ERC1: variants seen among roughly 807,000 people sequenced by gnomAD.
ERC1 encodes the protein RAB6 interacting protein 2.
In ERC1, 56 loss-of-function variants were observed where a neutral mutation model predicts 132.0. That is an observed-to-expected ratio of 0.42 (90% CI 0.34 to 0.53). ERC1 has a LOEUF of 0.53. ERC1 is among the 20% of genes least tolerant of loss of function. The pLI is 0.03. For missense variants in ERC1, 1,202 were observed against 1,349.9 expected (o/e 0.89, Z 1.72); for synonymous variants, 478 against 476.1 (o/e 1.00, Z -0.05).
chr12:1,194,524 C>G (rs960376855), intron 12 of ERC1, among the ~76,000 whole-genome samples: 1 of 152,152 alleles, frequency 6.6e-6, no homozygotes, highest in Non-Finnish European at 1.5e-5. Context: ...CTCACGCTGT[C>G]CATCTTAGCT....
chr12:1,114,415 T>C (rs1946228588), intron 6 of ERC1, among the ~76,000 whole-genome samples: 1 of 152,224 alleles, frequency 6.6e-6, no homozygotes, highest in Non-Finnish European at 1.5e-5. Context: ...ATGCAGATGA[T>C]GACGAAACAG....
intron 16 of ERC1, among the ~76,000 whole-genome samples, chr12:1,396,901 G>T (rs371628106): frequency 1.3e-5 from 2 of 152,210 alleles, no homozygotes; most frequent in East Asian, 3.9e-4. Context: ...TCAGTCAAAC[G>T]CCTACCAGTG....
intron 14 of ERC1, among the ~76,000 whole-genome samples, chr12:1,280,176 T>C (rs1466374693): frequency 6.6e-6 from 1 of 152,210 alleles, no homozygotes; most frequent in Non-Finnish European, 1.5e-5. Flanking sequence ...ACCAAGTTAT[T>C]GATCATAGAA....
At chr12:1,242,872 T>C (rs1363490612) in intron 13 of ERC1, among the ~76,000 whole-genome samples, 4 of 152,066 alleles carry the variant, frequency 2.6e-5, no homozygotes, top group Admixed American at 2.6e-4. Context: ...ATTTACATAG[T>C]GTTTACATTG....
chr12:1,068,652 GT>G (rs1430913556), intron 2 of ERC1, among the ~76,000 whole-genome samples: 1 of 150,278 alleles, frequency 6.7e-6, no homozygotes, highest in Non-Finnish European at 1.5e-5. Context: ...TGATAATTTT[GT>G]TTTTTAAGTG....
At chr12:1,073,133 C>T (rs2154183157) in intron 2 of ERC1, among the ~76,000 whole-genome samples, 1 of 152,164 alleles carries the variant, frequency 6.6e-6, no homozygotes, top group South Asian at 2.1e-4. Context: ...AACCTCGTCT[C>T]TACTAAAAAT....
chr12:1,014,132 T>A (rs1205649575), intron 1 of ERC1, among the ~76,000 whole-genome samples: 1 of 152,300 alleles, frequency 6.6e-6, no homozygotes, highest in Admixed American at 6.5e-5. Context: ...GAGGTCTTTA[T>A]TTAAACCTGT....
chr12:1,216,505 A>G (rs1179900249), intron 12 of ERC1, among the ~76,000 whole-genome samples: 1 of 151,470 alleles, frequency 6.6e-6, no homozygotes, highest in African/African-American at 2.4e-5. Context: ...TACGGATGGC[A>G]TATTATTCCT....
chr12:1,016,380 C>G (rs1592710728), intron 1 of ERC1, among the ~76,000 whole-genome samples: 2 of 152,236 alleles, frequency 1.3e-5, no homozygotes, highest in African/African-American at 2.4e-5. Context: ...CCTTTGGAGA[C>G]TCAGTTCATA....
chr12:1,036,336 C>T (rs554523948), intron 2 of ERC1, among the ~76,000 whole-genome samples: 172 of 150,604 alleles, frequency 1.1e-3, no homozygotes, highest in African/African-American at 3.7e-3. Flanking sequence ...CTTGATTTGC[C>T]GCATGATAAA....
At chr12:997,772 C>A (rs914430454) in intron 1 of ERC1, among the ~76,000 whole-genome samples, 2 of 152,124 alleles carry the variant, frequency 1.3e-5, no homozygotes, top group African/African-American at 4.8e-5. Flanking sequence ...GTACCAGCCT[C>A]ATTTCCCAGT....
chr12:1,467,535 T>G (rs2093768148), intron 18 of ERC1, among the ~76,000 whole-genome samples: 1 of 152,168 alleles, frequency 6.6e-6, no homozygotes. Flanking sequence ...CTGATACATC[T>G]AGAGCAGCGG....
At chr12:1,056,983 G>C (rs1973089085) in intron 2 of ERC1, among the ~76,000 whole-genome samples, 1 of 152,060 alleles carries the variant, frequency 6.6e-6, no homozygotes, top group Non-Finnish European at 1.5e-5. Context: ...AGAATTTGTT[G>C]CCAGGAAATT....
chr12:1,183,738 G>A (rs565745154), intron 11 of ERC1, among the ~76,000 whole-genome samples: 2 of 152,200 alleles, frequency 1.3e-5, no homozygotes, highest in Admixed American at 6.5e-5. Flanking sequence ...ACTTCTGCCA[G>A]GTGTGGTAAC....
intron 2 of ERC1, among the ~76,000 whole-genome samples, chr12:1,066,734 G>C (rs1939268043): frequency 6.6e-6 from 1 of 151,906 alleles, no homozygotes; most frequent in Non-Finnish European, 1.5e-5. Context: ...CTATTCAGGA[G>C]GCTGAGGCAG....
At chr12:1,397,200 C>T (rs1003156124) in intron 16 of ERC1, among the ~76,000 whole-genome samples, 2 of 152,160 alleles carry the variant, frequency 1.3e-5, no homozygotes, top group Non-Finnish European at 2.9e-5. Flanking sequence ...CTGATACTCT[C>T]CTGGTGGGAA....
At chr12:1,402,614 A>AACACACACACACACACACACC (rs1555393205) in intron 16 of ERC1, among the ~76,000 whole-genome samples, 2 of 144,894 alleles carry the variant, frequency 1.4e-5, no homozygotes, top group African/African-American at 5.1e-5. Flanking sequence ...TGTAACCCCC[A>AACACACACACACACACACACC]ACACACACAC....
At chr12:1,026,640 C>G (rs1966940758) in intron 1 of ERC1, among the ~76,000 whole-genome samples, 1 of 152,150 alleles carries the variant, frequency 6.6e-6, no homozygotes, top group Non-Finnish European at 1.5e-5. Flanking sequence ...TGAAGTCACA[C>G]TATGTGGGAT....
intron 15 of ERC1, among the ~76,000 whole-genome samples, chr12:1,369,614 G>T (rs899436746): frequency 2.2e-4 from 34 of 152,148 alleles, no homozygotes; most frequent in African/African-American, 8.0e-4. Flanking sequence ...ACAGATGACC[G>T]CAGTCAACAG....
Sources: allele counts gnomAD v4.1 joint callset (sites outside exome capture counted in the v4.1 genomes callset), GRCh38; gene constraint gnomAD v4.1.1; transcripts MANE v1.5; gene names NCBI Gene and HGNC (gene_info 2026-07-23, HGNC 2026-07-21).